The following PRKRA variants were observed in gnomAD, a reference collection of about 807,000 sequenced individuals.
The protein encoded by PRKRA is interferon-inducible double-stranded RNA-dependent protein kinase activator A.
PRKRA carries 22 observed loss-of-function variants against 32.4 expected under a neutral mutation model. The ratio of observed to expected loss-of-function variants is 0.68; its 90% CI spans 0.49 to 0.97. The LOEUF is 0.97. Ranked by LOEUF, PRKRA falls within the 50% of genes least tolerant of loss-of-function variation. The pLI, the probability that PRKRA is intolerant of heterozygous loss-of-function variation, is 0.00. For missense variants in PRKRA, 319 were observed against 375.6 expected (o/e 0.85, Z 1.25); for synonymous variants, 139 against 129.8 (o/e 1.07, Z -0.48).
chr2:178,447,085 A>G (rs905380218), intron 3 of PRKRA, among the ~76,000 whole-genome samples: 10 of 151,524 alleles, frequency 6.6e-5, no homozygotes, highest in African/African-American at 2.4e-4. Context: ...GGTATACATT[A>G]TATAATAAAA....
Position 178,450,270 on chromosome 2 carries a change from T to C in PRKRA, c.207A>G (p.Arg69=), listed in dbSNP as rs779206948. ...VQIHVPTFTF[R]VTVGDITCTG... ...TGCAGGTTATGTCACCAACGGTTACTCTGAAGGTGAAAGTGGGCACGTGTA... is the reference window on the plus strand; with the variant it reads ...TGCAGGTTATGTCACCAACGGTTACCCTGAAGGTGAAAGTGGGCACGTGTA... Residue 69 remains arginine (R), a synonymous_variant, in exon 2 of 8, where the codon AGA becomes AGG. Transcript: ENST00000325748. The C allele has an allele frequency of 1.9e-6, 3 of 1,614,294 alleles. No homozygotes were observed. Among genetic ancestry groups the C allele is most frequent in the South Asian group, 1.1e-5 (1 of 91,090 alleles).
chr2:178,450,674 G>A, intron 1 of PRKRA: 2 of 1,421,962 alleles, frequency 1.4e-6, no homozygotes, highest in Non-Finnish European at 1.8e-6. Flanking sequence ...GAACAGGGCT[G>A]GCAGCAGCGC....
In PRKRA at chr2:178,444,514, A is replaced by G. The variant is rs1213053097; in HGVS notation, c.318-14T>C. On this transcript the variant is annotated splice_polypyrimidine_tract_variant and intron_variant, in intron 3 of 7. Transcript: ENST00000325748. ...GGAACTGCAAAGCTAAATATTTTTT[A>G]AAAGTGTTATAAAACAAAATAATTT... The G allele has an allele frequency of 1.4e-6, 1 of 738,984 alleles. No homozygotes were observed. The highest frequency in any genetic ancestry group is 2.0e-5 in the African/African-American group (1 of 50,028). The allele number at this position is 738,984 out of a possible 1,614,324, so 45.8% of individuals were successfully genotyped here. A position where few individuals can be genotyped will look rare whatever the true frequency, so the allele number is the denominator to read the frequency against.
At chr2:178,433,012 A>C (rs946449371) in intron 7 of PRKRA, among the ~76,000 whole-genome samples, 1 of 152,214 alleles carries the variant, frequency 6.6e-6, no homozygotes, top group African/African-American at 2.4e-5. Flanking sequence ...GGTATGATTT[A>C]TTTGAAGTAG....
chr2:178,447,362 TAA>T lies in PRKRA; in HGVS notation c.317+141_317+142del. On this transcript the variant is annotated intron_variant, in intron 3 of 7. Coordinates refer to ENST00000325748, the MANE Select transcript of PRKRA (RefSeq NM_003690.5). ...GGATAAAGTTTTCTTTAATGGATGA[TAA>T]GTTTTCATAAGGAAATAGAATTTGA... 4.2e-6 allele frequency: 6 copies of T among 1,417,450 alleles called. No homozygotes were observed. In the South Asian group the frequency reaches 7.7e-5, roughly 18 times the overall value. 87.8% of individuals were successfully genotyped at this position (1,417,450 alleles called of 1,614,324 possible).
chr2:178,441,508 A>G (rs2154125037), intron 6 of PRKRA, 102 bp downstream of exon 6: 2 of 748,600 alleles, frequency 2.7e-6, no homozygotes, highest in South Asian at 1.8e-5. Flanking sequence ...GATTTCTAAA[A>G]ATCACAACTC....
chr2:178,432,290 C>T, intron 7 of PRKRA, 36 bp from the exon 8 acceptor site: 2 of 864,952 alleles, frequency 2.3e-6, no homozygotes, highest in Non-Finnish European at 1.7e-6. Context: ...GATTAATGTC[C>T]AATATGTATA....
chr2:178,449,131 G>A (rs1227898144), intron 2 of PRKRA, among the ~76,000 whole-genome samples: 1 of 152,204 alleles, frequency 6.6e-6, no homozygotes. Context: ...AGAAGAGGGC[G>A]TAGGCAGAAC....
chr2:178,443,368 T>C lies in PRKRA; in HGVS notation c.413A>G (p.His138Arg), dbSNP rs1224902491. 3 of 1,609,834 alleles carry C rather than the reference T, an allele frequency of 1.9e-6. No homozygotes were observed. The highest frequency in any genetic ancestry group is 2.7e-5 in the African/African-American group (2 of 74,766). ...GGTATATTCAGGAAGTCTCCAGCCA[T>C]GATGAATAGCCAATTCCTATAAAAT... ...IGSLQELAIHHGWRLPEYTLS... is the reference protein window; with the variant it reads ...IGSLQELAIHRGWRLPEYTLS... Residue 138 changes from histidine (H) to arginine (R), a missense_variant, in exon 5 of 8, where the codon CAT becomes CGT. Transcript: ENST00000325748.
chr2:178,438,670 A>T (rs1300596888), intron 6 of PRKRA, among the ~76,000 whole-genome samples: 1 of 150,606 alleles, frequency 6.6e-6, no homozygotes, highest in East Asian at 1.9e-4. Context: ...GTCCAAAATG[A>T]ACGCTGGTAG....
intron 7 of PRKRA, among the ~76,000 whole-genome samples, chr2:178,435,907 C>CT (rs1227264100): frequency 2.0e-5 from 3 of 152,292 alleles, no homozygotes; most frequent in Non-Finnish European, 4.4e-5. Context: ...CAGTAAAACT[C>CT]TATCTTTGCT....
Position 178,432,245 on chromosome 2 carries a change from C to T in PRKRA, c.794G>A (p.Ser265Asn). 6.2e-7 allele frequency: 1 copy of T among 1,614,224 alleles called. No individual in the cohort carries two copies. Among genetic ancestry groups the T allele is most frequent in the Non-Finnish European group, 8.5e-7 (1 of 1,180,040 alleles). ...AAGACATTGATATTGTCCATTGGCG[C>T]TCAGTTCATCTGTAATGACACATTC... ...NITYLDIDELSANGQYQCLAE... is the reference protein window; with the variant it reads ...NITYLDIDELNANGQYQCLAE... Residue 265 changes from serine (S) to asparagine (N), a missense_variant, in exon 8 of 8, where the codon AGC (serine) becomes AAC (asparagine). Coordinates refer to ENST00000325748, the MANE Select transcript of PRKRA (RefSeq NM_003690.5).
Position 178,443,039 on chromosome 2 carries a change from GTCTT to G in PRKRA, c.514+224_514+227del, listed in dbSNP as rs34976573. Among the ~76,000 whole-genome samples the G allele has an allele frequency of 9.5e-3, 1,446 of 152,240 alleles. 15 individuals carry two copies. Among genetic ancestry groups the G allele is most frequent in the South Asian group, 0.025 (122 of 4,824 alleles). Reference sequence around the variant, plus strand: ...GTTTAAAGTACAGAGCCAACAGTTTGTCTTTCTATTAATAATCTATGATTTTTAA... The same window carrying G: ...GTTTAAAGTACAGAGCCAACAGTTTGTCTATTAATAATCTATGATTTTTAA... On this transcript the variant is annotated intron_variant, in intron 5 of 7. Coordinates refer to ENST00000325748, the MANE Select transcript of PRKRA (RefSeq NM_003690.5).
At chr2:178,432,315 G>A in intron 7 of PRKRA, 61 bp from the exon 8 acceptor site, 2 of 1,294,772 alleles carry the variant, frequency 1.5e-6, no homozygotes, top group African/African-American at 1.7e-5. Context: ...GGATCCCTTT[G>A]TAAAAACAAT....
intron 3 of PRKRA, chr2:178,447,232 G>A: frequency 2.6e-6 from 1 of 384,824 alleles, no homozygotes. Flanking sequence ...ATTAATATTT[G>A]CAAGAAGCAC....
intron 3 of PRKRA, among the ~76,000 whole-genome samples, chr2:178,446,607 T>C (rs979251546): frequency 1.3e-5 from 2 of 152,274 alleles, no homozygotes; most frequent in Non-Finnish European, 2.9e-5. Context: ...TTCAGGCATA[T>C]GTAAGTGTAT....
In PRKRA at chr2:178,450,421, C is replaced by T; in HGVS notation, c.66-10G>A. 6.2e-7 allele frequency: 1 copy of T among 1,614,244 alleles called. No homozygotes were observed. The highest frequency in any genetic ancestry group is 8.5e-7 in the Non-Finnish European group (1 of 1,180,050). On this transcript the variant is annotated splice_polypyrimidine_tract_variant and intron_variant, in intron 1 of 7. Transcript: ENST00000325748. ...TATCATCTTCCCCAAACTGCAAAAA[C>T]CACAAAAAGGTGTGCTTTGCATGCC...
intron 2 of PRKRA, 142 bp downstream of exon 2, chr2:178,450,100 A>G (rs1314991365): frequency 9.4e-7 from 1 of 1,059,264 alleles, no homozygotes; most frequent in Non-Finnish European, 1.5e-6. Flanking sequence ...AAAAGCCCTA[A>G]CGACCTGAGA....
At chr2:178,447,305 C>A in intron 3 of PRKRA, 200 bp downstream of exon 3, 1 of 893,002 alleles carries the variant, frequency 1.1e-6, no homozygotes, top group Non-Finnish European at 1.6e-6. Context: ...TCATGAGCAC[C>A]TTCATTTAAT....
Sources: gnomAD v4.1 joint callset for allele counts (sites outside exome capture counted in the v4.1 genomes callset) on GRCh38, gnomAD v4.1.1 for gene constraint, MANE v1.5 for transcripts, NCBI Gene and HGNC (gene_info 2026-07-23, HGNC 2026-07-21) for gene names.